SHLD2: variants seen among roughly 807,000 people sequenced by gnomAD.
SHLD2 encodes the protein RINN1-REV7-interacting novel NHEJ regulator 2.
In SHLD2, 30 loss-of-function variants were observed where a neutral mutation model predicts 73.2. The ratio of observed to expected loss-of-function variants is 0.41; its 90% CI spans 0.31 to 0.56. The LOEUF is 0.56. Among genes scored for constraint, SHLD2 ranks in the 20% least tolerant of loss-of-function variants. The probability of loss-of-function intolerance (pLI) is 0.28; values close to 1 mark genes in which losing one functional copy is unlikely to be tolerated. For missense variants in SHLD2, 745 were observed against 1,055.9 expected (o/e 0.71, Z 4.08); for synonymous variants, 285 against 370.1 (o/e 0.77, Z 2.64).
intron 1 of SHLD2, among the ~76,000 whole-genome samples, chr10:87,095,543 T>G (rs7896026): frequency 0.67 from 101,244 of 152,126 alleles, 34,164 homozygotes; most frequent in East Asian, 0.85. Flanking sequence ...CGCCGCCGCG[T>G]AAGGCCGGGC....
intron 2 of SHLD2, among the ~76,000 whole-genome samples, chr10:87,125,298 T>C (rs925379748): frequency 1.3e-5 from 2 of 152,238 alleles, no homozygotes; most frequent in Non-Finnish European, 2.9e-5. Context: ...CTTAGGTATA[T>C]ATTAAAGGGA....
intron 2 of SHLD2, among the ~76,000 whole-genome samples, chr10:87,146,888 C>T (rs537750469): frequency 6.6e-6 from 1 of 151,554 alleles, no homozygotes; most frequent in Non-Finnish European, 1.5e-5. Context: ...GAAACCCCAT[C>T]TCTACTAAAA....
chr10:87,180,984 G>T (rs1848268478), intron 8 of SHLD2, among the ~76,000 whole-genome samples: 2 of 152,124 alleles, frequency 1.3e-5, no homozygotes, highest in African/African-American at 4.8e-5. Flanking sequence ...AGCTTAATTT[G>T]TAAACCTTAT....
chr10:87,184,708 T>A (rs1308838909), intron 8 of SHLD2, among the ~76,000 whole-genome samples: 1 of 152,086 alleles, frequency 6.6e-6, no homozygotes, highest in Non-Finnish European at 1.5e-5. Context: ...CTTCTTTCAG[T>A]TCTTCATTTT....
intron 2 of SHLD2, among the ~76,000 whole-genome samples, chr10:87,132,871 G>A (rs1844529370): frequency 6.6e-6 from 1 of 152,162 alleles, no homozygotes; most frequent in African/African-American, 2.4e-5. Flanking sequence ...AATTGTTATA[G>A]TATTTTATTG....
At chr10:87,157,417 A>G (rs1251308126) in intron 3 of SHLD2, among the ~76,000 whole-genome samples, 1 of 152,142 alleles carries the variant, frequency 6.6e-6, no homozygotes, top group Non-Finnish European at 1.5e-5. Flanking sequence ...TTTACAGCTC[A>G]CACGTTTTGC....
At chr10:87,121,436 T>C (rs983677219) in intron 2 of SHLD2, among the ~76,000 whole-genome samples, 4 of 152,090 alleles carry the variant, frequency 2.6e-5, no homozygotes, top group Non-Finnish European at 5.9e-5. Flanking sequence ...ATCCTGGCTT[T>C]TGAATGTAAT....
chr10:87,116,524 TGTTTGG>T (rs1241816172), intron 2 of SHLD2, among the ~76,000 whole-genome samples: 1 of 151,822 alleles, frequency 6.6e-6, no homozygotes, highest in Non-Finnish European at 1.5e-5. Context: ...GATGGGGAAG[TGTTTGG>T]GTGGCAGGTG....
At chr10:87,098,759 T>G (rs886427887) in intron 2 of SHLD2, among the ~76,000 whole-genome samples, 5 of 151,904 alleles carry the variant, frequency 3.3e-5, no homozygotes, top group African/African-American at 1.2e-4. Flanking sequence ...TACAGATAAT[T>G]TGCAAAGTAA....
chr10:87,180,431 T>A (rs1848233725), intron 8 of SHLD2, 128 bp downstream of exon 8: 2 of 1,258,712 alleles, frequency 1.6e-6, no homozygotes, highest in Non-Finnish European at 2.2e-6. Flanking sequence ...ATTTTCCGAG[T>A]GATAGATAGC....
At chr10:87,143,862 C>CTTTTTTTTTTTTTT (rs61651864) in intron 2 of SHLD2, among the ~76,000 whole-genome samples, 2 of 104,708 alleles carry the variant, frequency 1.9e-5, no homozygotes, top group African/African-American at 3.4e-5. Flanking sequence ...TTTATTCTTT[C>CTTTTTTTTTTTTTT]TTTTTTTTTT....
chr10:87,099,426 C>T lies in SHLD2; in HGVS notation c.-6+2437C>T, dbSNP rs190872253. Among the ~76,000 whole-genome samples the T allele has an allele frequency of 1.3e-3, 203 of 152,290 alleles. 3 individuals carry two copies. In the East Asian group the frequency reaches 0.021, roughly 16 times the overall value. On this transcript the variant is annotated intron_variant, in intron 2 of 9. Transcript: ENST00000298786. Reference sequence around the variant, plus strand: ...TTTCCTATAAAAGATGTATGTGGCCCTTTGTGACCGTCTTCTTTCACTTGG... The same window carrying T: ...TTTCCTATAAAAGATGTATGTGGCCTTTTGTGACCGTCTTCTTTCACTTGG...
chr10:87,159,775 G>A (rs1300713433), intron 4 of SHLD2, among the ~76,000 whole-genome samples: 1 of 152,192 alleles, frequency 6.6e-6, no homozygotes, highest in Non-Finnish European at 1.5e-5. Flanking sequence ...TAAGTAACTA[G>A]GTAGCCTTTA....
At chr10:87,125,021 G>A (rs567027540) in intron 2 of SHLD2, among the ~76,000 whole-genome samples, 1 of 152,264 alleles carries the variant, frequency 6.6e-6, no homozygotes, top group Middle Eastern at 3.4e-3. Context: ...AGGATTTCAG[G>A]TGTGAGCCAC....
At chr10:87,158,425 A>G (rs1846587921) in intron 4 of SHLD2, among the ~76,000 whole-genome samples, 2 of 152,196 alleles carry the variant, frequency 1.3e-5, no homozygotes, top group Admixed American at 6.5e-5. Context: ...AGGGAGTCAG[A>G]GACCTCTTTG....
At chr10:87,109,876 A>G (rs757792950) in intron 2 of SHLD2, among the ~76,000 whole-genome samples, 1 of 152,160 alleles carries the variant, frequency 6.6e-6, no homozygotes, top group Non-Finnish European at 1.5e-5. Context: ...GTGCAGTGGT[A>G]TGGTTCTGAG....
intron 8 of SHLD2, among the ~76,000 whole-genome samples, chr10:87,183,973 A>C (rs922738154): frequency 6.6e-6 from 1 of 152,162 alleles, no homozygotes; most frequent in Non-Finnish European, 1.5e-5. Flanking sequence ...ATTTGTACTT[A>C]ACATCTTCAC....
chr10:87,150,983 G>A (rs1436781190), intron 2 of SHLD2, among the ~76,000 whole-genome samples: 29 of 151,776 alleles, frequency 1.9e-4, no homozygotes, highest in Non-Finnish European at 2.5e-4. Context: ...GTGCTACCAC[G>A]CCCAGCTAAT....
intron 2 of SHLD2, among the ~76,000 whole-genome samples, chr10:87,113,463 A>G (rs1231804381): frequency 6.6e-6 from 1 of 152,258 alleles, no homozygotes; most frequent in East Asian, 1.9e-4. Context: ...AGAAGCCACG[A>G]AAGATCACAT....
Sources: allele counts gnomAD v4.1 joint callset (sites outside exome capture counted in the v4.1 genomes callset), GRCh38; gene constraint gnomAD v4.1.1; transcripts MANE v1.5; gene names NCBI Gene and HGNC (gene_info 2026-07-23, HGNC 2026-07-21).